Variants in DHRSX observed in about 807,000 individuals in gnomAD.
DHRSX encodes the protein dehydrogenase/reductase X-linked.
DHRSX carries 31 observed loss-of-function variants against 34.0 expected under a neutral mutation model. That is an observed-to-expected ratio of 0.91 (90% CI 0.69 to 1.23). DHRSX has a LOEUF of 1.23. DHRSX is among the 50% of genes most tolerant of loss of function. DHRSX has a pLI of 0.00. For missense variants in DHRSX, 414 were observed against 428.1 expected (o/e 0.97, Z 0.29); for synonymous variants, 201 against 183.8 (o/e 1.09, Z -0.76).
intron 1 of DHRSX, chrX:2,500,574 C>G (rs1394352220): frequency 5.5e-6 from 1 of 180,200 alleles, no homozygotes; most frequent in African/African-American, 2.4e-5. Flanking sequence ...AAGGGTCGGG[C>G]CGGGTCGGGC....
chrX:2,431,888 C>T (rs1405620078), intron 1 of DHRSX, among the ~76,000 whole-genome samples: 5 of 152,074 alleles, frequency 3.3e-5, no homozygotes, highest in Non-Finnish European at 7.4e-5. Context: ...CACATGTACC[C>T]CCGAACCTAA....
chrX:2,258,440 T>G (rs2041309430), intron 5 of DHRSX, among the ~76,000 whole-genome samples: 1 of 151,920 alleles, frequency 6.6e-6, no homozygotes, highest in Non-Finnish European at 1.5e-5. Flanking sequence ...TCTATGGTAT[T>G]CTGTGATAGC....
At chrX:2,255,632 C>T (rs1482327157) in intron 5 of DHRSX, among the ~76,000 whole-genome samples, 1 of 151,992 alleles carries the variant, frequency 6.6e-6, no homozygotes, top group Non-Finnish European at 1.5e-5. Context: ...CTATCATGGC[C>T]AGGCACGGTG....
intron 1 of DHRSX, among the ~76,000 whole-genome samples, chrX:2,499,325 C>G (rs2045355119): frequency 6.6e-6 from 1 of 152,128 alleles, no homozygotes; most frequent in South Asian, 2.1e-4. Context: ...TTCAGGGCAA[C>G]GTACACCCCC....
Position 2,470,246 on chromosome X carries a change from T to C in DHRSX, c.109+30571A>G, listed in dbSNP as rs752030860. On this transcript the variant is annotated intron_variant, in intron 1 of 6. Coordinates refer to ENST00000334651, the MANE Select transcript of DHRSX (RefSeq NM_145177.3). ...TGGTTGCCAGGGAAGAATGCTGAAG[T>C]GTTTGTCAAAGAACATAACATTTCA... Among the ~76,000 whole-genome samples the C allele has an allele frequency of 7.3e-5, 11 of 151,230 alleles. No homozygotes were observed. In the East Asian group the frequency reaches 2.1e-3, roughly 29 times the overall value.
At chrX:2,310,858 C>T (rs35674558) in intron 3 of DHRSX, among the ~76,000 whole-genome samples, 21,701 of 151,492 alleles carry the variant, frequency 0.14, 2,059 homozygotes, top group Admixed American at 0.22. Context: ...GTCAGGAGTT[C>T]GAGACCAGCC....
chrX:2,221,068 C>T lies in DHRSX; in HGVS notation c.966G>A (p.Met322Ile). The part of the protein sequence containing the change: ...QQQLWSKSCE[M>I]TGVLDVTL ...ACAGGGTCACATCAAGGACCCCAGT[C>T]ATCTCACAACTCTTAGACCACAGCT... The change falls in exon 7 of 7, where the codon ATG becomes ATA. Residue 322 changes from methionine (M) to isoleucine (I), a missense_variant. Transcript: ENST00000334651. 4 of 1,613,902 alleles carry T rather than the reference C, an allele frequency of 2.5e-6. No individual in the cohort carries two copies. The highest frequency in any genetic ancestry group is 3.4e-6 in the Non-Finnish European group (4 of 1,179,826).
chrX:2,392,385 T>C, intron 3 of DHRSX: 1 of 250,556 alleles, frequency 4.0e-6, no homozygotes, highest in Non-Finnish European at 7.9e-6. Flanking sequence ...TGCACGCCTG[T>C]AGTCCCAGCT....
rs192037897 is a variant in DHRSX, at chrX:2,474,029, C to A, written c.109+26788G>T. Among the ~76,000 whole-genome samples the A allele has an allele frequency of 2.4e-3, 367 of 151,872 alleles. 5 individuals carry two copies. Among genetic ancestry groups the A allele is most frequent in the African/African-American group, 7.6e-3 (315 of 41,292 alleles). The stretch of plus-strand genomic sequence containing the variant: ...GGTGCAGAGAGGAGCAGGCTGGCTG[C>A]GTCTCTCACTGTGCCTGGGATGGGC... On this transcript the variant is annotated intron_variant, in intron 1 of 6. Transcript: ENST00000334651.
intron 3 of DHRSX, among the ~76,000 whole-genome samples, chrX:2,316,154 G>A (rs1250800618): frequency 2.0e-5 from 3 of 151,258 alleles, no homozygotes; most frequent in Non-Finnish European, 2.9e-5. Flanking sequence ...GAGCCACCGC[G>A]CCCGGCCAAG....
chrX:2,245,073 G>A (rs1282849479), intron 5 of DHRSX, among the ~76,000 whole-genome samples: 1 of 152,004 alleles, frequency 6.6e-6, no homozygotes, highest in Non-Finnish European at 1.5e-5. Flanking sequence ...GAAAATATCT[G>A]GGCACCCCAA....
intron 5 of DHRSX, among the ~76,000 whole-genome samples, chrX:2,247,649 G>A (rs1409027034): frequency 2.5e-5 from 2 of 80,478 alleles, no homozygotes; most frequent in Non-Finnish European, 5.1e-5. Context: ...GTGAAACTCC[G>A]TCTCACAAAA....
At chrX:2,243,785 CCTGTTTTTTTTTT>C (rs1213346291) in intron 5 of DHRSX, among the ~76,000 whole-genome samples, 4 of 71,514 alleles carry the variant, frequency 5.6e-5, no homozygotes, top group African/African-American at 1.8e-4. Context: ...CACTATGCTC[CCTGTTTTTTTTTT>C]TTTTTTTTTT....
chrX:2,472,907 C>G (rs2124012936), intron 1 of DHRSX, among the ~76,000 whole-genome samples: 1 of 152,254 alleles, frequency 6.6e-6, no homozygotes, highest in African/African-American at 2.4e-5. Flanking sequence ...ACGTTGCCAA[C>G]ATGAGTGTGA....
At chrX:2,482,725 G>A (rs760352665) in intron 1 of DHRSX, among the ~76,000 whole-genome samples, 1 of 152,200 alleles carries the variant, frequency 6.6e-6, no homozygotes, top group Non-Finnish European at 1.5e-5. Context: ...AAATCCTGCA[G>A]TAACTGCCTA....
intron 3 of DHRSX, among the ~76,000 whole-genome samples, chrX:2,396,448 G>C (rs2012903): frequency 0.73 from 104,674 of 144,346 alleles, 38,119 homozygotes; most frequent in Admixed American, 0.77. Context: ...CAATATCTCA[G>C]CTCACTGCAA....
chrX:2,424,013 C>G lies in DHRSX; in HGVS notation c.217+1184G>C. ...ATTCATAAATTGAAGTCCTAAAGCC[C>G]AGGGCCTCAGAATGTGACTGTGTTT... On this transcript the variant is annotated intron_variant, in intron 2 of 6. Coordinates refer to ENST00000334651, the MANE Select transcript of DHRSX (RefSeq NM_145177.3). 1.3e-5 allele frequency among the ~76,000 whole-genome samples: 2 copies of G among 152,132 alleles called. 1 individual carries two copies. The highest frequency in any genetic ancestry group is 2.9e-5 in the Non-Finnish European group (2 of 68,034).
At chrX:2,245,961 C>CAAAAAAAAAA (rs1349755698) in intron 5 of DHRSX, among the ~76,000 whole-genome samples, 1 of 59,346 alleles carries the variant, frequency 1.7e-5, no homozygotes, top group Non-Finnish European at 3.1e-5. Context: ...GACTCCATCT[C>CAAAAAAAAAA]AAAAAAAACA....
At chrX:2,481,880 C>T (rs1316074166) in intron 1 of DHRSX, among the ~76,000 whole-genome samples, 4 of 152,150 alleles carry the variant, frequency 2.6e-5, no homozygotes, top group African/African-American at 9.7e-5. Context: ...GAGCCGGCTC[C>T]CCATGGAACT....
Sources: allele counts gnomAD v4.1 joint callset (sites outside exome capture counted in the v4.1 genomes callset), GRCh38; gene constraint gnomAD v4.1.1; transcripts MANE v1.5; gene names NCBI Gene and HGNC (gene_info 2026-07-23, HGNC 2026-07-21).